GYG2: variants seen among roughly 807,000 people sequenced by gnomAD.
GYG2 encodes the protein glycogenin-2.
Under a neutral mutation model 29.4 loss-of-function variants are expected in GYG2, and 29 were observed. The ratio of observed to expected loss-of-function variants is 0.99; its 90% CI spans 0.74 to 1.35. The LOEUF (loss-of-function observed/expected upper bound fraction) is 1.35. Among genes scored for constraint, GYG2 ranks in the 40% most tolerant of loss-of-function variants. GYG2 has a pLI of 0.00. For missense variants in GYG2, 370 were observed against 385.7 expected (o/e 0.96, Z 0.34); for synonymous variants, 167 against 172.3 (o/e 0.97, Z 0.24).
intron 2 of GYG2, among the ~76,000 whole-genome samples, chrX:2,839,195 G>T (rs2087444078): frequency 9.0e-6 from 1 of 111,554 alleles, no homozygotes; most frequent in African/African-American, 3.3e-5. Flanking sequence ...CTTTAGAATA[G>T]ATCCTATCAT....
intron 6 of GYG2, among the ~76,000 whole-genome samples, chrX:2,858,298 G>GA (rs1294679082): frequency 9.1e-6 from 1 of 110,191 alleles, no homozygotes; most frequent in Non-Finnish European, 1.9e-5. Flanking sequence ...CTGTCTCTAC[G>GA]AAAAAATAAA....
chrX:2,878,097 A>G (rs2088640243), intron 10 of GYG2: 1 of 747,797 alleles, frequency 1.3e-6, no homozygotes, highest in Non-Finnish European at 1.6e-6. Context: ...TCTTATAAAC[A>G]TGTGAATGTA....
intron 3 of GYG2, chrX:2,852,837 C>T (rs1322868389): frequency 9.0e-6 from 1 of 111,721 alleles, no homozygotes; most frequent in African/African-American, 3.3e-5. Flanking sequence ...ATTCAGTTTA[C>T]ACACAGAAAT....
intron 8 of GYG2, among the ~76,000 whole-genome samples, chrX:2,864,468 C>T (rs1359679510): frequency 9.2e-6 from 1 of 109,076 alleles, no homozygotes; most frequent in East Asian, 2.9e-4. Flanking sequence ...AGAGGGGGGA[C>T]TGAATAGAAT....
At chrX:2,839,874 C>T (rs145401014) in intron 2 of GYG2, among the ~76,000 whole-genome samples, 3,104 of 112,018 alleles carry the variant, frequency 0.028, 122 homozygotes, top group African/African-American at 0.095. Flanking sequence ...AGACAGAAAG[C>T]GGACTCATGG....
Position 2,877,276 on chromosome X carries a change from T to A in GYG2, c.1220T>A (p.Leu407His), listed in dbSNP as rs772332735. ...EPSQELPAEA[L>H]RDPSLQDALE... The stretch of plus-strand genomic sequence containing the variant: ...AGCCAGGAACTCCCTGCTGAGGCTC[T>A]CAGGGACCCCAGTCTGCAGGATGCA... Residue 407 changes from leucine (L) to histidine (H), a missense_variant, in exon 10 of 11, where the codon CTC becomes CAC. Leu to His is a moderately conservative substitution (Grantham distance 99). Coordinates refer to ENST00000398806, the MANE Select transcript of GYG2 (RefSeq NM_001079855.2). 4.1e-6 allele frequency: 5 copies of A among 1,208,527 alleles called. No individual in the cohort carries two copies. Among genetic ancestry groups the A allele is most frequent in the Non-Finnish European group, 5.6e-6 (5 of 894,388 alleles).
intron 2 of GYG2, among the ~76,000 whole-genome samples, chrX:2,833,727 C>A (rs2087316383): frequency 8.9e-6 from 1 of 112,294 alleles, no homozygotes; most frequent in Non-Finnish European, 1.9e-5. Flanking sequence ...GGGTAAAAAA[C>A]CAGAGCCTGT....
At chrX:2,843,113 C>T in intron 2 of GYG2, 100 bp from the exon 3 acceptor site, 1 of 732,654 alleles carries the variant, frequency 1.4e-6, no homozygotes, top group Non-Finnish European at 2.1e-6. Flanking sequence ...ACGTCTGGCC[C>T]AAGCCATGAA....
At chrX:2,841,893 C>A (rs2087510218) in intron 2 of GYG2, among the ~76,000 whole-genome samples, 1 of 111,894 alleles carries the variant, frequency 8.9e-6, no homozygotes, top group South Asian at 3.8e-4. Context: ...GCTTGGGTGC[C>A]CAAGAATCAA....
rs2087723665 is a variant in GYG2, at chrX:2,846,055, A to ATATATAT, written c.149+2702_149+2703insATATATT. Among the ~76,000 whole-genome samples the ATATATAT allele has an allele frequency of 1.6e-4, 6 of 38,673 alleles. 1 individual carries two copies. The highest frequency in any genetic ancestry group is 1.4e-3 in the Admixed American group (3 of 2,220). The allele number at this position is 38,673 out of a possible 115,157, so 33.6% of individuals were successfully genotyped here. ...TATACACATATATATATATATATAT[A>ATATATAT]TTTTTTTTTTTTTTTTTTTTTTTTT... On this transcript the variant is annotated intron_variant, in intron 3 of 10. Transcript: ENST00000398806.
chrX:2,846,004 T>TAC (rs1167387124), intron 3 of GYG2, among the ~76,000 whole-genome samples: 3 of 87,514 alleles, frequency 3.4e-5, no homozygotes, highest in Non-Finnish European at 4.4e-5. Flanking sequence ...TGTATATATA[T>TAC]ACATATATAT....
intron 2 of GYG2, among the ~76,000 whole-genome samples, chrX:2,831,779 G>A (rs1408917977): frequency 9.0e-6 from 1 of 111,487 alleles, no homozygotes; most frequent in African/African-American, 3.3e-5. Context: ...GTTATTTTGG[G>A]GGGTGATCAG....
chrX:2,835,141 G>C (rs113160927), intron 2 of GYG2, among the ~76,000 whole-genome samples: 18,428 of 111,164 alleles, frequency 0.17, 1,137 homozygotes, highest in East Asian at 0.25. Context: ...TAAATGTTCT[G>C]ATTAGTCGAA....
At chrX:2,854,382 C>T (rs1290365084) in intron 4 of GYG2, among the ~76,000 whole-genome samples, 3 of 112,022 alleles carry the variant, frequency 2.7e-5, no homozygotes, top group Non-Finnish European at 3.8e-5. Context: ...CCTTCATGCC[C>T]GGTTAATTTT....
chrX:2,833,880 C>A (rs970730065), intron 2 of GYG2, among the ~76,000 whole-genome samples: 2 of 112,622 alleles, frequency 1.8e-5, no homozygotes, highest in Non-Finnish European at 3.8e-5. Flanking sequence ...TTGCTTTGGG[C>A]CAATTCACTT....
intron 3 of GYG2, among the ~76,000 whole-genome samples, chrX:2,846,055 ATTTTTT>A (rs374480210): frequency 2.1e-4 from 8 of 38,665 alleles, no homozygotes; most frequent in Non-Finnish European, 3.1e-4. Context: ...ATATATATAT[ATTTTTT>A]TTTTTTTTTT....
chrX:2,877,343 C>G, intron 10 of GYG2, 36 bp downstream of exon 10: 1 of 1,199,380 alleles, frequency 8.3e-7, no homozygotes, highest in Non-Finnish European at 1.1e-6. Context: ...CCAAGGCTCC[C>G]GGTGGGGGCC....
At chrX:2,866,174 G>A (rs1425474706) in intron 8 of GYG2, among the ~76,000 whole-genome samples, 4 of 111,770 alleles carry the variant, frequency 3.6e-5, no homozygotes, top group Non-Finnish European at 5.6e-5. Context: ...CTCATCTGTG[G>A]GAGCTAAAGA....
At chrX:2,856,733 C>CATG (rs2087996762) in intron 6 of GYG2, 109 bp downstream of exon 6, 2 of 513,967 alleles carry the variant, frequency 3.9e-6, no homozygotes, top group African/African-American at 5.9e-5. Context: ...ATCTATCTAT[C>CATG]TATCATCTAT....
Sources: allele counts gnomAD v4.1 joint callset (sites outside exome capture counted in the v4.1 genomes callset), GRCh38; gene constraint gnomAD v4.1.1; transcripts MANE v1.5; gene names NCBI Gene and HGNC (gene_info 2026-07-23, HGNC 2026-07-21).